Variants in EPHA3 observed in about 807,000 individuals in gnomAD.
EPHA3 encodes the protein EPH receptor A3.
Under a neutral mutation model 107.1 loss-of-function variants are expected in EPHA3, and 42 were observed. The observed-to-expected ratio is 0.39, with a 90% CI of 0.31 to 0.51. EPHA3 has a LOEUF of 0.51. EPHA3 is among the 20% of genes least tolerant of loss of function. The pLI is 0.78. For synonymous variants in EPHA3, 461 were observed against 424.8 expected (o/e 1.09, Z -1.05); for missense variants, 1,183 against 1,211.2 (o/e 0.98, Z 0.35).
At position 89,472,485 on chromosome 3, in the gene EPHA3, C is replaced by G; in HGVS notation, c.2712C>G (p.Asp904Glu). 1 of 1,613,726 alleles carries G rather than the reference C, an allele frequency of 6.2e-7. No individual in the cohort carries two copies. The highest frequency in any genetic ancestry group is 1.7e-5 in the Admixed American group (1 of 59,980). The change falls in exon 16 of 17, where the codon GAC becomes GAG. Residue 904 changes from aspartate to glutamate, a missense_variant. Asp to Glu is a conservative substitution (Grantham distance 45). Transcript: ENST00000336596. ...AAARPSNLLL[D>E]QSNVDITTFR... ...GCAGGCCATCAAACCTTCTTCTGGACCAAAGCAATGTGGATATCACTACCT... is the reference window on the plus strand; with the variant it reads ...GCAGGCCATCAAACCTTCTTCTGGAGCAAAGCAATGTGGATATCACTACCT...
rs570564354 is a variant in EPHA3, at chr3:89,276,076, T to C, written c.815-64840T>C. On this transcript the variant is annotated intron_variant, in intron 3 of 16. Transcript: ENST00000336596. ...TAGAAACACTCAGGAAATAGAAAAA[T>C]GGCTGTGCTTGCATTTTTAAAATAG... 2.6e-5 allele frequency among the ~76,000 whole-genome samples: 4 copies of C among 151,988 alleles called. No homozygotes were observed. The East Asian group carries it at 7.7e-4, about 29-fold the overall frequency.
chr3:89,431,390 C>G (rs761130172), intron 13 of EPHA3, 31 bp downstream of exon 13: 2 of 1,565,080 alleles, frequency 1.3e-6, no homozygotes, highest in Non-Finnish European at 8.7e-7. Flanking sequence ...CCTTTTTTAT[C>G]ATTGTTTTCC....
In EPHA3 at chr3:89,333,010, T is replaced by C. The variant is rs1169826502; in HGVS notation, c.815-7906T>C. Among the ~76,000 whole-genome samples the C allele has an allele frequency of 4.6e-5, 7 of 152,204 alleles. No homozygotes were observed. The East Asian group carries it at 1.4e-3, about 29-fold the overall frequency. On this transcript the variant is annotated intron_variant, in intron 3 of 16. Transcript: ENST00000336596. The stretch of plus-strand genomic sequence containing the variant: ...TTCAACAGTAGCCACCATGGTTTAC[T>C]AAGTGCATTTGTTTCCCTTTCACTA...
At chr3:89,204,693 A>G (rs780834915) in intron 2 of EPHA3, among the ~76,000 whole-genome samples, 3 of 151,424 alleles carry the variant, frequency 2.0e-5, no homozygotes, top group African/African-American at 7.3e-5. Context: ...TAGAAATATA[A>G]TGATTTTTGT....
intron 3 of EPHA3, among the ~76,000 whole-genome samples, chr3:89,324,847 C>G (rs1045773144): frequency 3.3e-5 from 5 of 152,004 alleles, no homozygotes; most frequent in African/African-American, 9.7e-5. Context: ...AAACCCTTAC[C>G]CACCTCCCTC....
chr3:89,354,927 T>C (rs1368130624), intron 5 of EPHA3, among the ~76,000 whole-genome samples: 2 of 151,142 alleles, frequency 1.3e-5, no homozygotes, highest in African/African-American at 2.4e-5. Context: ...TATTTTATTA[T>C]AGTAAAATCT....
chr3:89,139,724 A>G (rs950163201), intron 2 of EPHA3, among the ~76,000 whole-genome samples: 1 of 151,758 alleles, frequency 6.6e-6, no homozygotes, highest in African/African-American at 2.4e-5. Flanking sequence ...TTGAGGCTCA[A>G]GTAGGCTTAG....
At chr3:89,405,985 A>G (rs1403095464) in intron 7 of EPHA3, among the ~76,000 whole-genome samples, 1 of 152,174 alleles carries the variant, frequency 6.6e-6, no homozygotes, top group Non-Finnish European at 1.5e-5. Context: ...TTCCTATGCA[A>G]AACTTTTATG....
intron 2 of EPHA3, among the ~76,000 whole-genome samples, chr3:89,179,166 G>T (rs1449150112): frequency 6.6e-6 from 1 of 151,764 alleles, no homozygotes; most frequent in Non-Finnish European, 1.5e-5. Flanking sequence ...TTTTATGTTT[G>T]CCAATGATTC....
At chr3:89,431,640 T>C (rs955018427) in intron 13 of EPHA3, among the ~76,000 whole-genome samples, 8 of 152,160 alleles carry the variant, frequency 5.3e-5, no homozygotes, top group African/African-American at 1.9e-4. Flanking sequence ...TATTTTTAAA[T>C]GTACCCATCT....
intron 2 of EPHA3, among the ~76,000 whole-genome samples, chr3:89,205,603 G>A (rs1391222774): frequency 1.3e-5 from 2 of 152,136 alleles, no homozygotes; most frequent in African/African-American, 4.8e-5. Flanking sequence ...AAATCTGGAA[G>A]CTAGGCTAAA....
chr3:89,436,429 G>A (rs1709671292), intron 13 of EPHA3, among the ~76,000 whole-genome samples: 1 of 152,140 alleles, frequency 6.6e-6, no homozygotes, highest in Non-Finnish European at 1.5e-5. Context: ...TCTACAATTT[G>A]GAGATTAACA....
intron 11 of EPHA3, among the ~76,000 whole-genome samples, chr3:89,428,428 T>C (rs553443841): frequency 1.3e-5 from 2 of 152,248 alleles, no homozygotes; most frequent in Admixed American, 6.5e-5. Flanking sequence ...GGTTTCATGG[T>C]ATTTTAGGCT....
chr3:89,291,633 A>T (rs569663708), intron 3 of EPHA3, among the ~76,000 whole-genome samples: 94 of 152,268 alleles, frequency 6.2e-4, no homozygotes, highest in Admixed American at 6.1e-3. Flanking sequence ...ACTTATGGTC[A>T]ATTGTAGGCA....
rs1710587837 is a variant in EPHA3 at position 89,479,688 on chromosome 3, A to C, written c.*186A>C. The C allele has an allele frequency of 1.9e-6, 1 of 526,102 alleles. No homozygotes were observed. Among genetic ancestry groups the C allele is most frequent in the Middle Eastern group, 5.0e-4 (1 of 2,018 alleles). The allele number at this position is 526,102 out of a possible 1,614,324, so 32.6% of individuals were successfully genotyped here. On this transcript the variant is annotated 3_prime_UTR_variant, in exon 17 of 17. Transcript: ENST00000336596. ...TTTATTTTCCCCTATCATTTATTGG[A>C]TGGGTGGGTGGGGTATTTTTTTGTA...
intron 1 of EPHA3, among the ~76,000 whole-genome samples, chr3:89,124,615 G>A (rs1474729319): frequency 2.6e-5 from 4 of 151,884 alleles, no homozygotes; most frequent in Non-Finnish European, 5.9e-5. Context: ...AGCCACAATG[G>A]AACTGTTGTT....
chr3:89,137,019 A>G (rs1182602432), intron 2 of EPHA3, among the ~76,000 whole-genome samples: 8 of 151,970 alleles, frequency 5.3e-5, no homozygotes, highest in Admixed American at 3.9e-4. Flanking sequence ...ATGCACAGTT[A>G]TTAAAATAAA....
intron 5 of EPHA3, among the ~76,000 whole-genome samples, chr3:89,356,200 A>G (rs1378559511): frequency 1.3e-5 from 2 of 150,834 alleles, no homozygotes; most frequent in African/African-American, 2.4e-5. Context: ...TCCATGGTGT[A>G]TATGTGCCAC....
At chr3:89,356,087 G>T (rs1707947555) in intron 5 of EPHA3, among the ~76,000 whole-genome samples, 1 of 145,026 alleles carries the variant, frequency 6.9e-6, no homozygotes, top group African/African-American at 2.5e-5. Context: ...TACAGTGTTT[G>T]GTTTTTTGTT....
Sources: allele counts gnomAD v4.1 joint callset (sites outside exome capture counted in the v4.1 genomes callset), GRCh38; gene constraint gnomAD v4.1.1; transcripts MANE v1.5; gene names NCBI Gene and HGNC (gene_info 2026-07-23, HGNC 2026-07-21).